The following ZSCAN25 variants were observed in gnomAD, a reference collection of about 807,000 sequenced individuals.
ZSCAN25 encodes zinc finger and SCAN domain containing 25.
A neutral mutation model predicts 38.7 loss-of-function variants in ZSCAN25; 27 were observed. That is an observed-to-expected ratio of 0.70 (90% CI 0.51 to 0.96). The LOEUF (loss-of-function observed/expected upper bound fraction) is 0.96, where lower values mean the gene tolerates loss of function less well. Ranked by LOEUF, ZSCAN25 falls within the 40% of genes least tolerant of loss-of-function variation. The probability of loss-of-function intolerance (pLI) is 0.00; values close to 1 mark genes in which losing one functional copy is unlikely to be tolerated. For missense variants in ZSCAN25, 637 were observed against 705.9 expected, an observed-to-expected ratio of 0.90 and a Z score of 1.11; for synonymous variants, 273 against 277.7, an observed-to-expected ratio of 0.98 and a Z score of 0.17.
At chr7:99,705,352 A>C in the ZSCAN25 span, 4 of 868,328 alleles carry the variant, frequency 4.6e-6, no homozygotes, top group Non-Finnish European at 7.3e-6. Flanking sequence ...GAGAGAGCAC[A>C]ATGCACGTAC....
chr7:99,617,331 CTG>C (rs1412784115), intron 1 of ZSCAN25, among the ~76,000 whole-genome samples: 5 of 152,230 alleles, frequency 3.3e-5, no homozygotes, highest in African/African-American at 4.8e-5. Flanking sequence ...AAGCAGAACT[CTG>C]TGCAAAGTGA....
chr7:99,655,559 C>T, the ZSCAN25 span, among the ~76,000 whole-genome samples: 27 of 152,252 alleles, frequency 1.8e-4, no homozygotes, highest in Middle Eastern at 3.4e-3. Flanking sequence ...CTTGGCAATG[C>T]GGGCTCTTTT....
chr7:99,636,007 A>G (rs1292940176), downstream of ZSCAN25, among the ~76,000 whole-genome samples: 1 of 144,338 alleles, frequency 6.9e-6, no homozygotes, highest in Non-Finnish European at 1.5e-5. Flanking sequence ...AGATCGCGCC[A>G]CTGCACTCCA....
Position 99,629,925 on chromosome 7 carries a change from T to C in ZSCAN25, c.1540T>C (p.Tyr514His). The change falls in exon 8 of 8, where the codon TAC becomes CAC. Residue 514 changes from tyrosine to histidine, a missense_variant. Physicochemically the swap from Tyr to His is moderately conservative, Grantham distance 83. Transcript: ENST00000394152. The surrounding 1 kb of genome is among the most constrained non-coding windows in gnomAD (Gnocchi z 5.6). ...HQRIHTGEKP[Y>H]HCPACGRSFN... is the part of the protein sequence containing the mutation. ...GAGAATCCATACAGGGGAGAAGCCCTACCACTGTCCTGCCTGCGGGCGAAG... is the reference window on the plus strand; with the variant it reads ...GAGAATCCATACAGGGGAGAAGCCCCACCACTGTCCTGCCTGCGGGCGAAG... 6.2e-7 allele frequency: 1 copy of C among 1,614,130 alleles called. No homozygotes were observed. The highest frequency in any genetic ancestry group is 8.5e-7 in the Non-Finnish European group (1 of 1,179,984).
At chr7:99,707,915 C>A in the ZSCAN25 span, 1 of 1,614,006 alleles carries the variant, frequency 6.2e-7, no homozygotes. Flanking sequence ...GTTTCTGGGT[C>A]CACTTCCAAA....
chr7:99,623,999 G>A (rs1401286514), intron 6 of ZSCAN25, 58 bp from the exon 7 acceptor site: 1 of 1,611,018 alleles, frequency 6.2e-7, no homozygotes, highest in East Asian at 2.2e-5. Flanking sequence ...ACAGACATGA[G>A]CCACTGTCTC....
the ZSCAN25 span, chr7:99,705,549 G>A: frequency 6.2e-7 from 1 of 1,613,534 alleles, no homozygotes; most frequent in Non-Finnish European, 8.5e-7. Context: ...TAGAACAATG[G>A]GTTTTTCTGT....
At chr7:99,647,576 A>G in the ZSCAN25 span, 1 of 985,304 alleles carries the variant, frequency 1.0e-6, no homozygotes, top group Non-Finnish European at 1.2e-6. Flanking sequence ...GGTAAAAATA[A>G]TAAATCATAA....
Position 99,621,357 on chromosome 7 carries a change from T to C in ZSCAN25, c.388-16T>C, listed in dbSNP as rs1204275306. On this transcript the variant is annotated splice_polypyrimidine_tract_variant and intron_variant, in intron 4 of 7. Coordinates refer to ENST00000394152, the MANE Select transcript of ZSCAN25 (RefSeq NM_145115.3). ...GCCCAGGCCTCATTCTAATCGGTGT[T>C]GGGAACTGTTCTTAGGTTCCATGCC... 2.9e-6 allele frequency: 4 copies of C among 1,361,478 alleles called. No individual in the cohort carries two copies. The highest frequency in any genetic ancestry group is 3.8e-6 in the Non-Finnish European group (4 of 1,043,542). The allele number at this position is 1,361,478 out of a possible 1,614,324, so 84.3% of individuals were successfully genotyped here. A position where few individuals can be genotyped will look rare whatever the true frequency, so the allele number is the denominator to read the frequency against.
At chr7:99,699,823 A>G in the ZSCAN25 span, 8 of 593,776 alleles carry the variant, frequency 1.3e-5, no homozygotes, top group Non-Finnish European at 2.4e-5. Context: ...ATCAATAATA[A>G]CCTCTATGTG....
intron 6 of ZSCAN25, among the ~76,000 whole-genome samples, chr7:99,623,493 G>T (rs557909979): frequency 6.6e-6 from 1 of 152,326 alleles, no homozygotes; most frequent in East Asian, 1.9e-4. Flanking sequence ...GAGTCTAAAA[G>T]AGTTCTTTGA....
At chr7:99,678,616 C>T in the ZSCAN25 span, among the ~76,000 whole-genome samples, 6 of 152,144 alleles carry the variant, frequency 3.9e-5, no homozygotes, top group South Asian at 2.1e-4. Flanking sequence ...GAACTAACAG[C>T]CCTGTTTTAC....
At chr7:99,685,673 C>T in the ZSCAN25 span, among the ~76,000 whole-genome samples, 1 of 152,242 alleles carries the variant, frequency 6.6e-6, no homozygotes, top group Non-Finnish European at 1.5e-5. Flanking sequence ...CACACTGACA[C>T]ACACACACAA....
chr7:99,656,998 T>C, the ZSCAN25 span, among the ~76,000 whole-genome samples: 2 of 152,202 alleles, frequency 1.3e-5, no homozygotes. Flanking sequence ...TTGCTAGCAT[T>C]CTATCAATTT....
the ZSCAN25 span, chr7:99,735,058 C>A: frequency 1.2e-6 from 2 of 1,613,976 alleles, no homozygotes; most frequent in Admixed American, 1.7e-5. Flanking sequence ...CCAGGAGAAG[C>A]CAGGTTTCCA....
At chr7:99,657,491 C>A in the ZSCAN25 span, among the ~76,000 whole-genome samples, 2 of 152,110 alleles carry the variant, frequency 1.3e-5, no homozygotes, top group African/African-American at 4.8e-5. Flanking sequence ...CTGAGGAGTG[C>A]TTTACTTCCA....
chr7:99,638,333 C>A, the ZSCAN25 span: 1 of 1,605,684 alleles, frequency 6.2e-7, no homozygotes, highest in Non-Finnish European at 8.5e-7. Context: ...AGTTCCTGTC[C>A]TGAATCCAGG....
intron 4 of ZSCAN25, chr7:99,620,916 AT>A: frequency 6.5e-6 from 1 of 152,918 alleles, no homozygotes. Flanking sequence ...TGCCTGGCTA[AT>A]TTTTTTATTT....
the ZSCAN25 span, chr7:99,699,845 C>A: frequency 7.3e-6 from 5 of 684,598 alleles, no homozygotes; most frequent in Non-Finnish European, 1.3e-5. Context: ...TTGTAGCATC[C>A]AAGAAGCTAC....
Sources: allele counts gnomAD v4.1 joint callset (sites outside exome capture counted in the v4.1 genomes callset), GRCh38; gene constraint gnomAD v4.1.1; non-coding constraint Gnocchi (gnomAD v3.1); transcripts MANE v1.5; gene names NCBI Gene and HGNC (gene_info 2026-07-23, HGNC 2026-07-21).